The following RIMS2 variants were observed in gnomAD, a reference collection of about 807,000 sequenced individuals.
RIMS2 encodes the protein regulating synaptic membrane exocytosis 2.
RIMS2 carries 59 observed loss-of-function variants against 174.4 expected under a neutral mutation model. The ratio of observed to expected loss-of-function variants is 0.34; its 90% CI spans 0.27 to 0.42. RIMS2 has a LOEUF of 0.42. RIMS2 is among the 10% of genes least tolerant of loss of function. The pLI is 1.00. For synonymous variants in RIMS2, 606 were observed against 572.5 expected (o/e 1.06, Z -0.84); for missense variants, 1,620 against 1,666.3 (o/e 0.97, Z 0.48).
chr8:103,515,664 A>G (rs1012859975), intron 1 of RIMS2, among the ~76,000 whole-genome samples: 4 of 152,162 alleles, frequency 2.6e-5, no homozygotes, highest in African/African-American at 7.2e-5. Flanking sequence ...TTTATATTCA[A>G]GAGCTCTGGA....
At chr8:104,236,066 A>ATT (rs10699488) in intron 19 of RIMS2, among the ~76,000 whole-genome samples, 45,557 of 146,384 alleles carry the variant, frequency 0.31, 7,036 homozygotes, top group African/African-American at 0.37. Flanking sequence ...AACATTCTGG[A>ATT]TTTTTTTTTT....
At chr8:104,208,251 G>A (rs925502718) in intron 19 of RIMS2, among the ~76,000 whole-genome samples, 1 of 152,016 alleles carries the variant, frequency 6.6e-6, no homozygotes, top group African/African-American at 2.4e-5. Flanking sequence ...AAGTATGAGA[G>A]GAAGAAAAGG....
chr8:104,070,500 T>A (rs2097178285), intron 19 of RIMS2, among the ~76,000 whole-genome samples: 1 of 152,228 alleles, frequency 6.6e-6, no homozygotes, highest in Admixed American at 6.5e-5. Context: ...CATTCCTAAC[T>A]ATTTGAGTTG....
At chr8:103,964,361 A>G (rs1448606602) in intron 15 of RIMS2, among the ~76,000 whole-genome samples, 1 of 152,154 alleles carries the variant, frequency 6.6e-6, no homozygotes, top group Non-Finnish European at 1.5e-5. Context: ...GACCATTCCA[A>G]TAGGTGTATA....
intron 3 of RIMS2, among the ~76,000 whole-genome samples, chr8:103,807,978 G>A (rs1306035094): frequency 6.6e-6 from 1 of 151,986 alleles, no homozygotes; most frequent in East Asian, 1.9e-4. Context: ...GCTGAAAAAA[G>A]ACTAAAAATT....
intron 1 of RIMS2, among the ~76,000 whole-genome samples, chr8:103,685,550 G>T (rs962152107): frequency 3.3e-5 from 5 of 152,058 alleles, no homozygotes; most frequent in African/African-American, 9.7e-5. Flanking sequence ...GATATCACTA[G>T]TTTTACATAT....
At chr8:104,011,400 A>G (rs2095757776) in intron 17 of RIMS2, among the ~76,000 whole-genome samples, 1 of 152,116 alleles carries the variant, frequency 6.6e-6, no homozygotes, top group Non-Finnish European at 1.5e-5. Context: ...ATATATAAGT[A>G]AAATGTAAAA....
intron 3 of RIMS2, among the ~76,000 whole-genome samples, chr8:103,824,094 AC>A (rs1564775594): frequency 2.0e-5 from 3 of 152,074 alleles, no homozygotes; most frequent in Non-Finnish European, 4.4e-5. Context: ...TAGAATATTT[AC>A]TGTGGACCTT....
intron 14 of RIMS2, among the ~76,000 whole-genome samples, chr8:103,943,325 G>A (rs1449061447): frequency 6.6e-6 from 1 of 152,034 alleles, no homozygotes; most frequent in African/African-American, 2.4e-5. Flanking sequence ...TGAATATGTA[G>A]TATACCAAGT....
At chr8:104,039,060 G>T (rs528651848) in intron 19 of RIMS2, among the ~76,000 whole-genome samples, 4 of 151,276 alleles carry the variant, frequency 2.6e-5, no homozygotes, top group Admixed American at 2.0e-4. Context: ...AATTTTTATT[G>T]TTGATTCTAA....
intron 19 of RIMS2, among the ~76,000 whole-genome samples, chr8:104,235,854 G>T (rs761683751): frequency 3.3e-5 from 5 of 151,898 alleles, no homozygotes; most frequent in Non-Finnish European, 7.4e-5. Context: ...TATTCATTCC[G>T]TATCCAATTT....
chr8:103,593,843 T>A (rs2094372193), intron 1 of RIMS2, among the ~76,000 whole-genome samples: 1 of 151,282 alleles, frequency 6.6e-6, no homozygotes, highest in Non-Finnish European at 1.5e-5. Flanking sequence ...AATAGAAAAT[T>A]TAATTTCTAA....
intron 1 of RIMS2, among the ~76,000 whole-genome samples, chr8:103,587,045 G>GA (rs2093960587): frequency 6.6e-6 from 1 of 151,790 alleles, no homozygotes; most frequent in Non-Finnish European, 1.5e-5. Flanking sequence ...CTGAATGAAT[G>GA]AAAAAACAAG....
intron 3 of RIMS2, among the ~76,000 whole-genome samples, chr8:103,792,136 T>G (rs1376189766): frequency 6.6e-6 from 1 of 151,898 alleles, no homozygotes; most frequent in Non-Finnish European, 1.5e-5. Context: ...CAGCACCACA[T>G]CGCACTTATT....
intron 19 of RIMS2, among the ~76,000 whole-genome samples, chr8:104,122,816 T>G (rs1169757391): frequency 1.3e-5 from 2 of 152,202 alleles, no homozygotes; most frequent in Non-Finnish European, 2.9e-5. Context: ...CAGATTATTT[T>G]AAACTATTAA....
At chr8:103,880,611 G>A in intron 3 of RIMS2, 1 of 471,886 alleles carries the variant, frequency 2.1e-6, no homozygotes, top group South Asian at 4.2e-5. Context: ...TTAAATGAAA[G>A]CACTGCCTGG....
intron 3 of RIMS2, among the ~76,000 whole-genome samples, chr8:103,846,357 A>G (rs1234053121): frequency 6.6e-6 from 1 of 152,146 alleles, no homozygotes; most frequent in Non-Finnish European, 1.5e-5. Context: ...AAGGGAATGG[A>G]GTGAAGCAGG....
rs111228415 is a variant in RIMS2, at chr8:104,199,150, T to C, written c.3335-45766T>C. On this transcript the variant is annotated intron_variant, in intron 19 of 23. Transcript: ENST00000504942. ...CATCTCGGCTCACTGCAAGCTCCGC[T>C]TCCAGGGTTCACACCATTCTCCTGC... Among the ~76,000 whole-genome samples, 995 of 152,212 alleles carry C rather than the reference T, an allele frequency of 6.5e-3. 11 individuals carry two copies. Among genetic ancestry groups the C allele is most frequent in the East Asian group, 0.039 (199 of 5,158 alleles).
intron 1 of RIMS2, among the ~76,000 whole-genome samples, chr8:103,649,802 C>T (rs754050866): frequency 5.3e-5 from 8 of 152,066 alleles, no homozygotes; most frequent in Non-Finnish European, 8.8e-5. Flanking sequence ...ACTGGCTATT[C>T]TGGCTATCAG....
Sources: allele counts gnomAD v4.1 joint callset (sites outside exome capture counted in the v4.1 genomes callset), GRCh38; gene constraint gnomAD v4.1.1; transcripts MANE v1.5; gene names NCBI Gene and HGNC (gene_info 2026-07-23, HGNC 2026-07-21).